Variants in DDX11 observed in about 807,000 individuals in gnomAD.
DDX11 encodes ATP-dependent DNA helicase DDX11.
In DDX11, 72 loss-of-function variants were observed where a neutral mutation model predicts 125.2. The ratio of observed to expected loss-of-function variants is 0.58; its 90% CI spans 0.48 to 0.70. The LOEUF is 0.70. DDX11 is among the 30% of genes least tolerant of loss of function. The pLI is 0.00. For missense variants in DDX11, 883 were observed against 1,165.0 expected, an observed-to-expected ratio of 0.76 and a Z score of 3.52; for synonymous variants, 347 against 452.6, an observed-to-expected ratio of 0.77 and a Z score of 2.96.
intron 12 of DDX11, 127 bp from the exon 13 acceptor site, chr12:31,094,463 G>A (rs1263122601): frequency 2.0e-6 from 3 of 1,524,140 alleles, no homozygotes; most frequent in African/African-American, 2.8e-5. Context: ...ACAGTGAAAA[G>A]CAAAACAAAG....
chr12:31,103,102 C>G (rs1427254673), intron 24 of DDX11, 82 bp downstream of exon 24: 1 of 1,521,628 alleles, frequency 6.6e-7, no homozygotes, highest in African/African-American at 1.4e-5. Flanking sequence ...CTGATACAGC[C>G]AGGCCTTCCC....
chr12:31,094,696 G>A lies in DDX11; in HGVS notation c.1415-59G>A. The A allele has an allele frequency of 1.9e-6, 3 of 1,565,126 alleles. No individual in the cohort carries two copies. In the South Asian group the frequency reaches 3.4e-5, roughly 18 times the overall value. ...TGAGCCACTTCCGAGCTTAACCCTG[G>A]GACTGAAACCTGAGGCTTAGGGTGA... On this transcript the variant is annotated intron_variant, in intron 13 of 26. Transcript: ENST00000542838.
rs1056652202 is a variant in DDX11, at chr12:31,089,599, G to C, written c.880+109G>C. The stretch of plus-strand genomic sequence containing the variant: ...CTTTCATAGAAAGAATGGCAGAGGA[G>C]ACCCCAGTTCCTTCCTGAGTCCCCT... On this transcript the variant is annotated intron_variant, in intron 8 of 26. Coordinates refer to ENST00000542838, the MANE Select transcript of DDX11 (RefSeq NM_030653.4). 5.2e-5 allele frequency: 64 copies of C among 1,231,324 alleles called. No individual in the cohort carries two copies. In the African/African-American group the frequency reaches 6.2e-4, roughly 12 times the overall value. 76.3% of individuals were successfully genotyped at this position (1,231,324 alleles called of 1,614,324 possible). A position where few individuals can be genotyped will look rare whatever the true frequency, so the allele number is the denominator to read the frequency against.
At chr12:31,098,023 G>C (rs371132351) in intron 18 of DDX11, 26 bp downstream of exon 18, 1 of 1,591,042 alleles carries the variant, frequency 6.3e-7, no homozygotes, top group South Asian at 1.1e-5. Context: ...CCAGCCCCTC[G>C]TGCCCCAGGT....
In DDX11 at chr12:31,104,257, G is replaced by C. The variant is rs1946890108; in HGVS notation, c.*421G>C. 1.5e-5 allele frequency: 10 copies of C among 677,682 alleles called. No individual in the cohort carries two copies. The Admixed American group carries it at 3.0e-4, about 21-fold the overall frequency. The allele number at this position is 677,682 out of a possible 1,614,324, so 42.0% of individuals were successfully genotyped here. On this transcript the variant is annotated 3_prime_UTR_variant, in exon 27 of 27. Coordinates refer to ENST00000542838, the MANE Select transcript of DDX11 (RefSeq NM_030653.4). The stretch of plus-strand genomic sequence containing the variant: ...TCTGCCCTTTCTAGCCAAGGTTATA[G>C]CTGCCCTGGACTGCTCACTCTCTGG...
At chr12:31,082,654 A>T (rs1433854299) in intron 2 of DDX11, among the ~76,000 whole-genome samples, 2 of 151,850 alleles carry the variant, frequency 1.3e-5, no homozygotes, top group Non-Finnish European at 2.9e-5. Flanking sequence ...CCCTGTGGAC[A>T]CCAGGGCCGC....
intron 18 of DDX11, among the ~76,000 whole-genome samples, chr12:31,100,075 G>A (rs1437371993): frequency 6.6e-6 from 1 of 152,150 alleles, no homozygotes; most frequent in Non-Finnish European, 1.5e-5. Flanking sequence ...CATGATTACA[G>A]GGAAAGGTCC....
rs1203255491 is a variant in DDX11, at chr12:31,080,052, G to A, written c.144+1515G>A. Among the ~76,000 whole-genome samples the A allele has an allele frequency of 3.9e-5, 5 of 128,020 alleles. 1 individual carries two copies. The highest frequency in any genetic ancestry group is 5.6e-4 in the East Asian group (2 of 3,560). 84.0% of individuals were successfully genotyped at this position (128,020 alleles called of 152,430 possible). On this transcript the variant is annotated intron_variant, in intron 2 of 26. Coordinates refer to ENST00000542838, the MANE Select transcript of DDX11 (RefSeq NM_030653.4). ...GTCCGTTTGGAGGCTTTCCTCAAAC[G>A]TCTGGCAGCCCTGGACTGCCTGTGT... is the stretch of plus-strand genomic sequence containing the variant.
chr12:31,089,531 G>T, intron 8 of DDX11, 41 bp downstream of exon 8: 2 of 1,587,444 alleles, frequency 1.3e-6, no homozygotes, highest in Non-Finnish European at 1.7e-6. Flanking sequence ...GTGGTCTGGA[G>T]AGAGTGAGGC....
In DDX11 at chr12:31,089,150, A is replaced by G; in HGVS notation, c.791A>G (p.Gln264Arg). ...DVRLVSLGSR[Q>R]NLCVNEDVKS... ...CGGCTGGTCTCCCTTGGCTCCCGGC[A>G]GGTAAACAGTAGCCAGTATTTCCAC... The change falls in exon 7 of 27, where the codon CAG becomes CGG. Residue 264 changes from glutamine (Q) to arginine (R), a missense_variant and splice_region_variant. Transcript: ENST00000542838. 6.2e-7 allele frequency: 1 copy of G among 1,613,290 alleles called. No individual in the cohort carries two copies. Among genetic ancestry groups the G allele is most frequent in the Non-Finnish European group, 8.5e-7 (1 of 1,179,216 alleles).
At chr12:31,074,506 C>T (rs1438067770) in intron 1 of DDX11, among the ~76,000 whole-genome samples, 1 of 152,170 alleles carries the variant, frequency 6.6e-6, no homozygotes, top group Non-Finnish European at 1.5e-5. Context: ...GGGTACAGTA[C>T]GGAGGCCAGG....
At chr12:31,096,578 A>C in intron 15 of DDX11, 59 bp from the exon 16 acceptor site, 1 of 1,598,700 alleles carries the variant, frequency 6.3e-7, no homozygotes, top group South Asian at 1.1e-5. Context: ...CGATCCACCC[A>C]GCCTCTCTCT....
intron 18 of DDX11, among the ~76,000 whole-genome samples, chr12:31,099,493 T>C (rs1156977456): frequency 6.6e-6 from 1 of 151,346 alleles, no homozygotes; most frequent in African/African-American, 2.4e-5. Flanking sequence ...ATCTGCTCTA[T>C]CCTATAATAT....
intron 2 of DDX11, 151 bp downstream of exon 2, chr12:31,078,688 T>TA: frequency 6.8e-5 from 79 of 1,161,694 alleles, no homozygotes; most frequent in Non-Finnish European, 8.8e-5. Flanking sequence ...TCTATTAAAG[T>TA]CTTTTTTTTT....
intron 5 of DDX11, among the ~76,000 whole-genome samples, chr12:31,085,519 C>A (rs1430763624): frequency 1.3e-5 from 2 of 152,258 alleles, no homozygotes; most frequent in African/African-American, 4.8e-5. Context: ...CACTGGGTAA[C>A]CTGTGAGGTG....
In DDX11 at chr12:31,096,894, A is replaced by C. The variant is rs1592758133; in HGVS notation, c.1666A>C (p.Thr556Pro). The stretch of plus-strand genomic sequence containing the variant: ...CCCTGCAGACGAGAGTCAGGCCAGC[A>C]CCCTGCGACCAGCTTCTCCACTGAT... ...AAPADESQAS[T>P]LRPASPLMHI... Residue 556 changes from threonine (T) to proline (P), a missense_variant, in exon 17 of 27, where the codon ACC becomes CCC. Around this residue, in one of 5 missense-constraint regions of DDX11, gnomAD observed 241 missense variants for 279.7 expected, o/e 0.86. Coordinates refer to ENST00000542838, the MANE Select transcript of DDX11 (RefSeq NM_030653.4). 3 of 1,614,100 alleles carry C rather than the reference A, an allele frequency of 1.9e-6. No homozygotes were observed. The highest frequency in any genetic ancestry group is 2.5e-6 in the Non-Finnish European group (3 of 1,180,028).
At chr12:31,076,926 G>T (rs1024281968) in intron 1 of DDX11, 6 of 153,266 alleles carry the variant, frequency 3.9e-5, no homozygotes, top group African/African-American at 1.4e-4. Context: ...AATAATGCTA[G>T]TTCTGTGAGT....
In DDX11 at chr12:31,094,622, C is replaced by CT. The variant is rs778363138; in HGVS notation, c.1403dup (p.Ser469ValfsTer32). ...TAAGCAAAATCCCAATACACAGAGTCTGTCACAGACAGGTAAGAGAGTTGC... is the reference window on the plus strand; with the variant it reads ...TAAGCAAAATCCCAATACACAGAGTCTTGTCACAGACAGGTAAGAGAGTTGC... On this transcript the variant is annotated frameshift_variant, in exon 13 of 27. Coordinates refer to ENST00000542838, the MANE Select transcript of DDX11 (RefSeq NM_030653.4). LOFTEE classifies it high-confidence loss of function. 237 of 1,569,506 alleles carry CT rather than the reference C, an allele frequency of 1.5e-4. No individual in the cohort carries two copies. The highest frequency in any genetic ancestry group is 1.7e-4 in the Non-Finnish European group (194 of 1,158,106).
intron 17 of DDX11, among the ~76,000 whole-genome samples, chr12:31,097,509 T>C (rs1395342371): frequency 6.7e-6 from 1 of 149,110 alleles, no homozygotes; most frequent in Non-Finnish European, 1.5e-5. Flanking sequence ...TGAAACCCCG[T>C]CTCTACTAAA....
Sources: allele counts gnomAD v4.1 joint callset (sites outside exome capture counted in the v4.1 genomes callset), GRCh38; gene constraint gnomAD v4.1.1; regional missense constraint gnomAD v4.1.1; transcripts MANE v1.5; gene names NCBI Gene and HGNC (gene_info 2026-07-23, HGNC 2026-07-21).